The following ZC4H2 variants were observed in gnomAD, a reference collection of about 807,000 sequenced individuals.
The protein encoded by ZC4H2 is zinc finger C4H2-type containing, also known as zinc finger C4H2 domain-containing protein.
For synonymous variants in ZC4H2, 84 were observed against 66.3 expected (o/e 1.27, Z -1.30); for missense variants, 137 against 173.9 (o/e 0.79, Z 1.19).
intron 1 of ZC4H2, among the ~76,000 whole-genome samples, chrX:64,998,248 C>T (rs1445545644): frequency 8.9e-6 from 1 of 111,840 alleles, no homozygotes; most frequent in East Asian, 2.8e-4. Flanking sequence ...AAACACGATT[C>T]AATTACATGC....
intron 4 of ZC4H2, chrX:64,918,784 C>T (rs185148506): frequency 1.1e-5 from 3 of 272,979 alleles, no homozygotes; most frequent in Non-Finnish European, 1.9e-5. Context: ...AGAGTCATTT[C>T]TAACTTTTAG....
At chrX:64,940,568 T>G (rs1602399932) in intron 1 of ZC4H2, among the ~76,000 whole-genome samples, 1 of 111,770 alleles carries the variant, frequency 8.9e-6, no homozygotes, top group East Asian at 2.8e-4. Flanking sequence ...CTGAGTTAAT[T>G]TTTGTATAAG....
intron 1 of ZC4H2, among the ~76,000 whole-genome samples, chrX:65,020,893 A>C (rs773375711): frequency 9.0e-6 from 1 of 111,263 alleles, no homozygotes; most frequent in South Asian, 3.8e-4. Flanking sequence ...CCTAGACTCT[A>C]AGAGACTTTA....
chrX:64,944,525 T>G (rs1192173226), intron 1 of ZC4H2, among the ~76,000 whole-genome samples: 2 of 111,472 alleles, frequency 1.8e-5, no homozygotes, highest in East Asian at 5.6e-4. Flanking sequence ...TTCCTTTGTT[T>G]CAACCTTGGT....
At chrX:64,990,585 A>G (rs1932290866) in intron 1 of ZC4H2, among the ~76,000 whole-genome samples, 1 of 112,217 alleles carries the variant, frequency 8.9e-6, no homozygotes. Flanking sequence ...TAATAAAAAT[A>G]ACAAGTTACC....
chrX:64,951,618 C>G (rs1379780065), intron 1 of ZC4H2, among the ~76,000 whole-genome samples: 1 of 111,853 alleles, frequency 8.9e-6, no homozygotes, highest in Non-Finnish European at 1.9e-5. Context: ...AGTGTCTGTT[C>G]ATGTCCTTCG....
chrX:64,973,168 C>T (rs1412032988), intron 1 of ZC4H2, among the ~76,000 whole-genome samples: 1 of 111,272 alleles, frequency 9.0e-6, no homozygotes, highest in African/African-American at 3.3e-5. Flanking sequence ...ATTATTGATA[C>T]ATGAAGGCTA....
At chrX:65,011,123 A>T in intron 1 of ZC4H2, among the ~76,000 whole-genome samples, 1 of 111,892 alleles carries the variant, frequency 8.9e-6, no homozygotes, top group Non-Finnish European at 1.9e-5. Flanking sequence ...ACAAAAAAAA[A>T]CTTCATCATG....
intron 1 of ZC4H2, among the ~76,000 whole-genome samples, chrX:64,974,576 G>A (rs896217899): frequency 2.7e-5 from 3 of 111,871 alleles, no homozygotes; most frequent in Non-Finnish European, 5.6e-5. Flanking sequence ...GACAGTAGAA[G>A]TCCAGTTTCT....
chrX:65,014,884 C>T (rs753878919), intron 1 of ZC4H2, among the ~76,000 whole-genome samples: 74 of 111,740 alleles, frequency 6.6e-4, no homozygotes, highest in African/African-American at 2.3e-3. Flanking sequence ...ATATAATTCT[C>T]AATATTATGT....
At chrX:64,985,217 A>G (rs1468271286) in intron 1 of ZC4H2, among the ~76,000 whole-genome samples, 3 of 111,810 alleles carry the variant, frequency 2.7e-5, no homozygotes, top group African/African-American at 6.5e-5. Context: ...GATACCCAAT[A>G]GTGGGATTGC....
At chrX:64,934,654 T>G (rs1028864009) in intron 1 of ZC4H2, among the ~76,000 whole-genome samples, 6 of 111,689 alleles carry the variant, frequency 5.4e-5, no homozygotes, top group African/African-American at 2.0e-4. Flanking sequence ...TTCATCTCAT[T>G]GGGACTGGTT....
intron 1 of ZC4H2, among the ~76,000 whole-genome samples, chrX:64,934,970 G>A (rs1368701503): frequency 5.5e-5 from 6 of 109,122 alleles, no homozygotes; most frequent in East Asian, 2.9e-4. Flanking sequence ...AAGGGCCAGC[G>A]AGAAAAAAAT....
intron 1 of ZC4H2, among the ~76,000 whole-genome samples, chrX:64,932,411 G>C (rs1328180489): frequency 9.0e-6 from 1 of 111,188 alleles, no homozygotes; most frequent in African/African-American, 3.3e-5. Context: ...TGTAGTTGTT[G>C]CCTATATGTT....
chrX:64,938,299 T>A (rs1025737068), intron 1 of ZC4H2, among the ~76,000 whole-genome samples: 1 of 111,836 alleles, frequency 8.9e-6, no homozygotes, highest in South Asian at 3.7e-4. Context: ...ATTAACAGAC[T>A]ACCAACCAAA....
intron 1 of ZC4H2, among the ~76,000 whole-genome samples, chrX:64,924,908 A>C (rs941882005): frequency 9.0e-6 from 1 of 110,743 alleles, no homozygotes; most frequent in African/African-American, 3.3e-5. Flanking sequence ...GTGGAAGGGG[A>C]ATTTTATAAT....
intron 1 of ZC4H2, among the ~76,000 whole-genome samples, chrX:64,938,651 A>AT (rs1412076523): frequency 2.7e-5 from 3 of 112,115 alleles, no homozygotes; most frequent in African/African-American, 9.7e-5. Flanking sequence ...CAATAAATGC[A>AT]ATCCATCACA....
intron 1 of ZC4H2, among the ~76,000 whole-genome samples, chrX:64,989,831 G>A (rs1022130978): frequency 3.6e-5 from 4 of 111,691 alleles, no homozygotes; most frequent in South Asian, 7.5e-4. Flanking sequence ...ATGCAATATC[G>A]CTATAACCTA....
chrX:64,980,251 A>G (rs1470665725), upstream of ZC4H2, among the ~76,000 whole-genome samples: 2 of 112,361 alleles, frequency 1.8e-5, no homozygotes, highest in Non-Finnish European at 3.8e-5. Flanking sequence ...TACGACAGAC[A>G]TGGGCCCTGC....
Sources: gnomAD v4.1 joint callset for allele counts (sites outside exome capture counted in the v4.1 genomes callset) on GRCh38, gnomAD v4.1.1 for gene constraint, MANE v1.5 for transcripts, NCBI Gene and HGNC (gene_info 2026-07-23, HGNC 2026-07-21) for gene names.